The following DNM1L variants were observed in gnomAD, a reference collection of about 807,000 sequenced individuals.
The protein encoded by DNM1L is dynamin-1-like protein.
Under a neutral mutation model 92.8 loss-of-function variants are expected in DNM1L, and 33 were observed. The observed-to-expected ratio is 0.36, with a 90% CI of 0.27 to 0.48. The LOEUF (loss-of-function observed/expected upper bound fraction) is 0.48, where lower values mean the gene tolerates loss of function less well. Among genes scored for constraint, DNM1L ranks in the 20% least tolerant of loss-of-function variants. The pLI, the probability that DNM1L is intolerant of heterozygous loss-of-function variation, is 0.99. For synonymous variants in DNM1L, 284 were observed against 305.0 expected (o/e 0.93, Z 0.72); for missense variants, 485 against 888.8 (o/e 0.55, Z 5.78).
At chr12:32,679,841 G>C (rs1296484105) in intron 1 of DNM1L, 1 of 1,001,848 alleles carries the variant, frequency 1.0e-6, no homozygotes, top group Non-Finnish European at 1.2e-6. Flanking sequence ...GACGCGCGGG[G>C]CACTCGGGTC....
chr12:32,714,747 G>A (rs931896291), intron 6 of DNM1L, among the ~76,000 whole-genome samples: 2 of 151,724 alleles, frequency 1.3e-5, no homozygotes, highest in African/African-American at 4.8e-5. Context: ...AGCACTTTGG[G>A]AGGCCAAGGT....
chr12:32,699,805 A>AG (rs1278617328), intron 1 of DNM1L, among the ~76,000 whole-genome samples: 1 of 150,816 alleles, frequency 6.6e-6, no homozygotes, highest in Non-Finnish European at 1.5e-5. Context: ...TCAAAAAAAA[A>AG]AAAAAAAAAA....
At chr12:32,701,625 A>T in intron 2 of DNM1L, 63 bp downstream of exon 2, 1 of 1,422,764 alleles carries the variant, frequency 7.0e-7, no homozygotes, top group Non-Finnish European at 9.9e-7. Context: ...TCTTAAAAAG[A>T]TATGAATTGA....
intron 6 of DNM1L, among the ~76,000 whole-genome samples, chr12:32,713,937 A>C (rs1324232211): frequency 1.3e-5 from 2 of 152,322 alleles, no homozygotes; most frequent in African/African-American, 4.8e-5. Context: ...GATTTTTAGA[A>C]ATGAAGGTAA....
chr12:32,685,935 T>C (rs1261884436), intron 1 of DNM1L, among the ~76,000 whole-genome samples: 3 of 151,662 alleles, frequency 2.0e-5, no homozygotes, highest in Admixed American at 2.0e-4. Flanking sequence ...ATTGTTTTCT[T>C]GTGTTCTTAG....
At chr12:32,742,233 T>C (rs1955354778) in intron 18 of DNM1L, among the ~76,000 whole-genome samples, 1 of 151,994 alleles carries the variant, frequency 6.6e-6, no homozygotes, top group Non-Finnish European at 1.5e-5. Flanking sequence ...GCCTCCCGAG[T>C]AGCTGGGATC....
chr12:32,709,251 A>C (rs1388251281), intron 4 of DNM1L, among the ~76,000 whole-genome samples: 1 of 152,148 alleles, frequency 6.6e-6, no homozygotes, highest in Non-Finnish European at 1.5e-5. Flanking sequence ...GTGGCCAGAA[A>C]CTAGATTAGC....
Position 32,731,221 on chromosome 12 carries a change from A to G in DNM1L, c.1200+87A>G. On this transcript the variant is annotated intron_variant, in intron 10 of 19. Transcript: ENST00000549701. The surrounding 1 kb of genome is among the most constrained non-coding windows in gnomAD (Gnocchi z 5.1). ...ATACTGTGTCTTTTTAAATTTAATT[A>G]TACAGTTTATTTTGCTCTCATATTT... 6.3e-7 allele frequency: 1 copy of G among 1,595,124 alleles called. No individual in the cohort carries two copies. The highest frequency in any genetic ancestry group is 1.3e-5 in the African/African-American group (1 of 74,244).
chr12:32,693,641 T>C (rs779057829), intron 1 of DNM1L, among the ~76,000 whole-genome samples: 28 of 152,278 alleles, frequency 1.8e-4, no homozygotes, highest in African/African-American at 2.9e-4. Context: ...AACTTTTCTT[T>C]TTTCTTTTCT....
intron 1 of DNM1L, among the ~76,000 whole-genome samples, chr12:32,684,221 G>C (rs1379401510): frequency 6.6e-6 from 1 of 152,162 alleles, no homozygotes; most frequent in Admixed American, 6.5e-5. Flanking sequence ...GACAGGTTTT[G>C]ATTTTATAAG....
chr12:32,711,466 C>CT (rs1345072346), intron 5 of DNM1L, among the ~76,000 whole-genome samples: 4 of 152,154 alleles, frequency 2.6e-5, no homozygotes, highest in African/African-American at 7.2e-5. Context: ...ATTTCAAACT[C>CT]TAATACCGAA....
At chr12:32,736,922 T>G (rs1954922299) in intron 13 of DNM1L, 183 bp from the exon 14 acceptor site, 3 of 622,402 alleles carry the variant, frequency 4.8e-6, no homozygotes, top group Non-Finnish European at 8.2e-6. Flanking sequence ...AAAAAAAGAT[T>G]AAGAAGCTTT....
At chr12:32,701,680 G>A (rs1952707028) in intron 2 of DNM1L, 118 bp downstream of exon 2, 1 of 907,442 alleles carries the variant, frequency 1.1e-6, no homozygotes, top group East Asian at 2.6e-5. Context: ...TAGAAGTCCT[G>A]TGAGAAGTAG....
chr12:32,681,166 T>TA (rs1214517210), intron 1 of DNM1L, among the ~76,000 whole-genome samples: 1 of 152,226 alleles, frequency 6.6e-6, no homozygotes, highest in Non-Finnish European at 1.5e-5. Flanking sequence ...TACTGACAGT[T>TA]ATATGCTATA....
At chr12:32,700,937 T>G (rs1157872860) in intron 1 of DNM1L, among the ~76,000 whole-genome samples, 1 of 152,142 alleles carries the variant, frequency 6.6e-6, no homozygotes, top group Non-Finnish European at 1.5e-5. Flanking sequence ...GGTTTTGGCT[T>G]AAAAACAAAT....
chr12:32,733,676 A>T (rs752272484), intron 12 of DNM1L, 39 bp from the exon 13 acceptor site: 6 of 1,511,418 alleles, frequency 4.0e-6, no homozygotes. Context: ...AATATGGTTG[A>T]TGTATTTTTG....
intron 9 of DNM1L, among the ~76,000 whole-genome samples, chr12:32,723,814 A>G (rs1301551728): frequency 6.6e-6 from 1 of 152,182 alleles, no homozygotes; most frequent in Non-Finnish European, 1.5e-5. Flanking sequence ...AGCAAAGGAA[A>G]TGATTTTGAA....
At chr12:32,727,455 T>C (rs1205648745) in intron 9 of DNM1L, 8 of 660,984 alleles carry the variant, frequency 1.2e-5, no homozygotes, top group East Asian at 2.7e-5. Context: ...AGGGCAGCAG[T>C]GGTGGTGGGG....
intron 1 of DNM1L, among the ~76,000 whole-genome samples, chr12:32,700,865 C>G (rs1952672558): frequency 6.6e-6 from 1 of 152,050 alleles, no homozygotes. Context: ...GGTTTTGAAA[C>G]CTGGTTGGTG....
Sources: allele counts gnomAD v4.1 joint callset (sites outside exome capture counted in the v4.1 genomes callset), GRCh38; gene constraint gnomAD v4.1.1; non-coding constraint Gnocchi (gnomAD v3.1); transcripts MANE v1.5; gene names NCBI Gene and HGNC (gene_info 2026-07-23, HGNC 2026-07-21).